CFAP77: variants seen among roughly 807,000 people sequenced by gnomAD.
CFAP77 encodes cilia and flagella associated protein 77, also known as cilia- and flagella-associated protein 77.
Under a neutral mutation model 31.1 loss-of-function variants are expected in CFAP77, and 25 were observed. The observed-to-expected ratio is 0.80, with a 90% CI of 0.59 to 1.12. The LOEUF (loss-of-function observed/expected upper bound fraction) is 1.12, where lower values mean the gene tolerates loss of function less well. CFAP77 is among the 50% of genes most tolerant of loss of function. The probability of loss-of-function intolerance (pLI) is 0.00; values close to 1 mark genes in which losing one functional copy is unlikely to be tolerated. For missense variants in CFAP77, 377 were observed against 397.3 expected (o/e 0.95, Z 0.44); for synonymous variants, 151 against 159.9 (o/e 0.94, Z 0.42).
At chr9:132,440,427 TC>T (rs936355277) in intron 1 of CFAP77, among the ~76,000 whole-genome samples, 59 of 152,150 alleles carry the variant, frequency 3.9e-4, no homozygotes, top group African/African-American at 1.4e-3. Flanking sequence ...TACAATGCAT[TC>T]TCTCATCAAA....
chr9:132,563,267 G>A lies in CFAP77; in HGVS notation c.733-9121G>A, dbSNP rs78571226. Among the ~76,000 whole-genome samples, 11 of 152,288 alleles carry A rather than the reference G, an allele frequency of 7.2e-5. No individual in the cohort carries two copies. In the East Asian group the frequency reaches 2.1e-3, roughly 29 times the overall value. ...GAGTTTAAGCGATTCTCCTGCCTCA[G>A]CCTCCCAAAAAGCTGCAGTTACAAG... On this transcript the variant is annotated intron_variant, in intron 5 of 5. Transcript: ENST00000393216.
rs1365335007 is a variant in CFAP77 at position 132,511,370 on chromosome 9, A to T, written c.524+11770A>T. Among the ~76,000 whole-genome samples the T allele has an allele frequency of 2.0e-5, 3 of 151,846 alleles. No homozygotes were observed. The highest frequency in any genetic ancestry group is 4.4e-5 in the Non-Finnish European group (3 of 67,970). Reference sequence around the variant, plus strand: ...GCGGAGGCCTCACCGTCCTTCAGACACTCCTGTGTCTCTTGCCTGGAGAGG... The same window carrying T: ...GCGGAGGCCTCACCGTCCTTCAGACTCTCCTGTGTCTCTTGCCTGGAGAGG... On this transcript the variant is annotated intron_variant, in intron 3 of 5. Transcript: ENST00000393216. This position sits in a 1 kb window ranked among gnomAD's most constrained non-coding sequence, Gnocchi z 5.8.
intron 1 of CFAP77, among the ~76,000 whole-genome samples, chr9:132,425,208 G>A (rs149899795): frequency 4.6e-3 from 695 of 152,220 alleles, no homozygotes; most frequent in South Asian, 7.5e-3. Flanking sequence ...CGTCGCCCCC[G>A]TCAATACTCA....
chr9:132,571,181 G>T (rs1013562352), intron 5 of CFAP77, among the ~76,000 whole-genome samples: 5 of 152,102 alleles, frequency 3.3e-5, no homozygotes, highest in Admixed American at 1.3e-4. Flanking sequence ...CTAGGCATGG[G>T]TCCTGCTTTA....
At chr9:132,512,570 A>G (rs1232305278) in intron 3 of CFAP77, among the ~76,000 whole-genome samples, 4 of 152,192 alleles carry the variant, frequency 2.6e-5, no homozygotes, top group Non-Finnish European at 4.4e-5. Context: ...TAATTTTACA[A>G]TGGCTTCCCC....
chr9:132,448,983 G>T (rs534569470), intron 1 of CFAP77, among the ~76,000 whole-genome samples: 11 of 152,298 alleles, frequency 7.2e-5, no homozygotes, highest in African/African-American at 2.6e-4. Context: ...CACCTATGAC[G>T]TGGAGATGAG....
intron 3 of CFAP77, among the ~76,000 whole-genome samples, chr9:132,526,327 TCA>T (rs1298176493): frequency 6.6e-6 from 1 of 152,148 alleles, no homozygotes. Context: ...CCTCCCGGGT[TCA>T]TGCCATTCTC....
At chr9:132,558,359 CAT>C (rs1426134362) in intron 5 of CFAP77, among the ~76,000 whole-genome samples, 1 of 152,206 alleles carries the variant, frequency 6.6e-6, no homozygotes, top group East Asian at 1.9e-4. Context: ...ATTTGTAAAT[CAT>C]ATGTCTGACA....
At chr9:132,474,638 G>A (rs376312574) in intron 1 of CFAP77, among the ~76,000 whole-genome samples, 11 of 152,270 alleles carry the variant, frequency 7.2e-5, no homozygotes, top group African/African-American at 2.4e-4. Flanking sequence ...ACTCAGTTCG[G>A]GTGGCGGCGG....
rs1850903129 is a variant in CFAP77, at chr9:132,455,827, C to T, written c.196-42868C>T. ...GTCAAGGAAAGGCTGTAACTCTTAA[C>T]TGTGGGGTTTGGGGAGGCCACAGAA... On this transcript the variant is annotated intron_variant, in intron 1 of 5. Coordinates refer to ENST00000393216, the MANE Select transcript of CFAP77 (RefSeq NM_001282957.2). This position sits in a 1 kb window ranked among gnomAD's most constrained non-coding sequence, Gnocchi z 4.1. 6.6e-6 allele frequency among the ~76,000 whole-genome samples: 1 copy of T among 152,176 alleles called. No individual in the cohort carries two copies. The highest frequency in any genetic ancestry group is 1.5e-5 in the Non-Finnish European group (1 of 68,034).
chr9:132,425,529 C>T (rs1019964465), intron 1 of CFAP77, among the ~76,000 whole-genome samples: 4 of 152,074 alleles, frequency 2.6e-5, no homozygotes, highest in Admixed American at 1.3e-4. Context: ...AACAAAGAAG[C>T]GTGATGCCTT....
chr9:132,449,435 G>GT lies in CFAP77; in HGVS notation c.195+38983dup, dbSNP rs35118700. 4.1e-3 allele frequency among the ~76,000 whole-genome samples: 601 copies of GT among 145,270 alleles called. 2 individuals carry two copies. Among genetic ancestry groups the GT allele is most frequent in the African/African-American group, 8.2e-3 (325 of 39,766 alleles). ...ATAAATGGAGCCATAGAGTACACAG[G>GT]TTTTTTTTTTTTTTATGTTTTACTT... On this transcript the variant is annotated intron_variant, in intron 1 of 5. Transcript: ENST00000393216.
rs185830424 is a variant in CFAP77, at chr9:132,453,316, G to A, written c.195+42850G>A. Among the ~76,000 whole-genome samples, 14 of 151,182 alleles carry A rather than the reference G, an allele frequency of 9.3e-5. No individual in the cohort carries two copies. In the East Asian group the frequency reaches 1.7e-3, roughly 19 times the overall value. On this transcript the variant is annotated intron_variant, in intron 1 of 5. Transcript: ENST00000393216. ...GAGGCAGGTGGATTGCCTGAGCTCC[G>A]GAGTTCGAGACCAGCCTGGGCAACA... is the stretch of plus-strand genomic sequence containing the variant.
rs570897668 is a variant in CFAP77, at chr9:132,514,616, G to GTGCCT, written c.524+15020_524+15021insTTGCC. 1.2e-3 allele frequency among the ~76,000 whole-genome samples: 185 copies of GTGCCT among 152,206 alleles called. 1 individual carries two copies. The highest frequency in any genetic ancestry group is 4.0e-3 in the African/African-American group (166 of 41,522). The stretch of plus-strand genomic sequence containing the variant: ...TCCTTGCCGCCTGCTGCCTGCACCG[G>GTGCCT]TGCCGGAACTGCTAATTGAATTCAT... On this transcript the variant is annotated intron_variant, in intron 3 of 5. Transcript: ENST00000393216.
chr9:132,443,105 G>T (rs948161353), intron 1 of CFAP77, among the ~76,000 whole-genome samples: 1 of 151,876 alleles, frequency 6.6e-6, no homozygotes, highest in Non-Finnish European at 1.5e-5. Context: ...TGTTTTTAAG[G>T]TTCATCCATG....
At chr9:132,428,057 G>A (rs1472909380) in intron 1 of CFAP77, among the ~76,000 whole-genome samples, 2 of 151,202 alleles carry the variant, frequency 1.3e-5, no homozygotes, top group African/African-American at 4.9e-5. Context: ...GGAGTTCAGT[G>A]GTACAATCAT....
chr9:132,488,306 G>A (rs151159404), intron 1 of CFAP77, among the ~76,000 whole-genome samples: 2 of 152,154 alleles, frequency 1.3e-5, no homozygotes, highest in Non-Finnish European at 2.9e-5. Flanking sequence ...CCACTGGCCC[G>A]TTTGTCTGGA....
At chr9:132,436,255 T>C (rs1338692384) in intron 1 of CFAP77, among the ~76,000 whole-genome samples, 3 of 152,168 alleles carry the variant, frequency 2.0e-5, no homozygotes, top group African/African-American at 7.2e-5. Flanking sequence ...CAGGTGTTCT[T>C]GACTTGTGGC....
At position 132,455,821 on chromosome 9, in the gene CFAP77, T is replaced by C. The variant is rs968686998; in HGVS notation, c.196-42874T>C. On this transcript the variant is annotated intron_variant, in intron 1 of 5. Transcript: ENST00000393216. This position sits in a 1 kb window ranked among gnomAD's most constrained non-coding sequence, Gnocchi z 4.1. ...GCAATTGTCAAGGAAAGGCTGTAAC[T>C]CTTAACTGTGGGGTTTGGGGAGGCC... Among the ~76,000 whole-genome samples the C allele has an allele frequency of 2.6e-5, 4 of 152,140 alleles. No individual in the cohort carries two copies. The highest frequency in any genetic ancestry group is 9.7e-5 in the African/African-American group (4 of 41,440).
Sources: gnomAD v4.1 joint callset for allele counts (sites outside exome capture counted in the v4.1 genomes callset) on GRCh38, gnomAD v4.1.1 for gene constraint, Gnocchi (gnomAD v3.1) non-coding constraint, MANE v1.5 for transcripts, NCBI Gene and HGNC (gene_info 2026-07-23, HGNC 2026-07-21) for gene names.